Variants in PRKCH observed in about 807,000 individuals in gnomAD.
PRKCH encodes protein kinase C eta.
Under a neutral mutation model 82.5 loss-of-function variants are expected in PRKCH, and 28 were observed. The observed-to-expected ratio is 0.34, with a 90% confidence interval of 0.25 to 0.47. The LOEUF is 0.47. Among genes scored for constraint, PRKCH ranks in the 20% least tolerant of loss-of-function variants. The pLI is 1.00. For missense variants in PRKCH, 705 were observed against 881.8 expected (o/e 0.80, Z 2.54); for synonymous variants, 322 against 327.4 (o/e 0.98, Z 0.18).
intron 1 of PRKCH, among the ~76,000 whole-genome samples, chr14:61,297,823 C>T (rs1424238987): frequency 2.6e-5 from 4 of 152,074 alleles, no homozygotes; most frequent in Non-Finnish European, 2.9e-5. Context: ...GGTTGGGGAC[C>T]CCTGGTCTAG....
chr14:61,291,323 CTTTTTTTTTTTTTT>C (rs533117559), intron 1 of PRKCH, among the ~76,000 whole-genome samples: 1 of 96,686 alleles, frequency 1.0e-5, no homozygotes, highest in Non-Finnish European at 2.0e-5. Context: ...CCCTCTGGTT[CTTTTTTTTTTTTTT>C]TTTTTTTTTT....
intron 10 of PRKCH, among the ~76,000 whole-genome samples, chr14:61,500,868 C>T (rs906149448): frequency 1.3e-5 from 2 of 152,040 alleles, no homozygotes; most frequent in East Asian, 3.9e-4. Context: ...ATAGAGGTAC[C>T]TATGGAACTC....
chr14:61,420,681 A>G (rs1299657600), intron 2 of PRKCH, among the ~76,000 whole-genome samples: 1 of 152,182 alleles, frequency 6.6e-6, no homozygotes, highest in Non-Finnish European at 1.5e-5. Flanking sequence ...TCGCATGACC[A>G]CTACAGTTAG....
chr14:61,281,351 C>T, intron 1 of PRKCH: 1 of 359,074 alleles, frequency 2.8e-6, no homozygotes, highest in Admixed American at 4.8e-5. Flanking sequence ...CCACACCCTC[C>T]CAGTTCCGCC....
At chr14:61,275,145 C>T (rs2045190660) in intron 1 of PRKCH, among the ~76,000 whole-genome samples, 1 of 152,208 alleles carries the variant, frequency 6.6e-6, no homozygotes, top group Admixed American at 6.5e-5. Flanking sequence ...ATCAAGCCTT[C>T]CTTTGAAAAT....
At chr14:61,510,092 G>A (rs1887311995) in intron 10 of PRKCH, among the ~76,000 whole-genome samples, 1 of 152,130 alleles carries the variant, frequency 6.6e-6, no homozygotes, top group African/African-American at 2.4e-5. Context: ...AAAGCGTCCT[G>A]TGCTAAGGAA....
intron 1 of PRKCH, among the ~76,000 whole-genome samples, chr14:61,372,519 A>G (rs1370881524): frequency 1.3e-5 from 2 of 151,964 alleles, no homozygotes; most frequent in Admixed American, 1.3e-4. Context: ...CCATCCATTT[A>G]CTTACATGTA....
chr14:61,241,603 G>A (rs2044837812), intron 1 of PRKCH, among the ~76,000 whole-genome samples: 1 of 151,924 alleles, frequency 6.6e-6, no homozygotes, highest in Non-Finnish European at 1.5e-5. Flanking sequence ...GACCAAATAT[G>A]TATTTTACTG....
chr14:61,501,976 T>C (rs1391131804), intron 10 of PRKCH, among the ~76,000 whole-genome samples: 9 of 151,924 alleles, frequency 5.9e-5, no homozygotes, highest in African/African-American at 9.7e-5. Flanking sequence ...AGAACAGAGA[T>C]TTTTTCCTAA....
intron 1 of PRKCH, among the ~76,000 whole-genome samples, chr14:61,187,870 T>A (rs1398299607): frequency 6.6e-6 from 1 of 152,222 alleles, no homozygotes; most frequent in Non-Finnish European, 1.5e-5. Flanking sequence ...CATCCTTATC[T>A]TTTCAGAGCC....
At chr14:61,271,268 T>C (rs2045151314) in intron 1 of PRKCH, among the ~76,000 whole-genome samples, 1 of 152,196 alleles carries the variant, frequency 6.6e-6, no homozygotes, top group African/African-American at 2.4e-5. Flanking sequence ...TTTTTCATTA[T>C]AGTATGAATT....
chr14:61,410,841 A>G (rs1016153083), intron 2 of PRKCH, among the ~76,000 whole-genome samples: 6 of 152,184 alleles, frequency 3.9e-5, no homozygotes, highest in African/African-American at 9.7e-5. Flanking sequence ...ACCTTCCACT[A>G]TCAACACTGA....
At chr14:61,398,735 G>A (rs2046821435) in intron 2 of PRKCH, among the ~76,000 whole-genome samples, 1 of 152,154 alleles carries the variant, frequency 6.6e-6, no homozygotes, top group South Asian at 2.1e-4. Context: ...TTACACCATG[G>A]GATGTAATCA....
chr14:61,284,446 G>T (rs571388097), intron 1 of PRKCH, among the ~76,000 whole-genome samples: 1 of 152,316 alleles, frequency 6.6e-6, no homozygotes, highest in African/African-American at 2.4e-5. Flanking sequence ...GGCAGGTGCC[G>T]TGAAAGCTGG....
rs547410387 is a variant in PRKCH at position 61,256,240 on chromosome 14, A to T, written c.-19+68572A>T. Among the ~76,000 whole-genome samples, 1,386 of 152,358 alleles carry T rather than the reference A, an allele frequency of 9.1e-3. 12 individuals carry two copies. Among genetic ancestry groups the T allele is most frequent in the Middle Eastern group, 0.024 (7 of 294 alleles). On this transcript the variant is annotated intron_variant, in intron 1 of 3. Coordinates refer to the PRKCH transcript ENST00000555185. ...TAAAAGCTGACCAGGAATGCATTAA[A>T]TTGGCTCCCAAATGAATCATACAAA...
upstream of PRKCH, among the ~76,000 whole-genome samples, chr14:61,319,637 T>G (rs2045591652): frequency 6.6e-6 from 1 of 152,180 alleles, no homozygotes; most frequent in South Asian, 2.1e-4. Context: ...AGCCCCAAAG[T>G]CCAACAGGAG....
chr14:61,358,986 G>A (rs1470874034), intron 1 of PRKCH, among the ~76,000 whole-genome samples: 1 of 152,144 alleles, frequency 6.6e-6, no homozygotes, highest in Non-Finnish European at 1.5e-5. Context: ...ATAGAGTCCT[G>A]TCATTCTCTG....
intron 10 of PRKCH, among the ~76,000 whole-genome samples, chr14:61,511,853 C>T (rs1088683): frequency 0.52 from 79,365 of 152,054 alleles, 25,250 homozygotes; most frequent in Non-Finnish European, 0.69. Flanking sequence ...TCTGTGTCAA[C>T]GGGATCCCGA....
intron 1 of PRKCH, among the ~76,000 whole-genome samples, chr14:61,217,092 G>C (rs1485230098): frequency 6.6e-6 from 1 of 152,170 alleles, no homozygotes; most frequent in East Asian, 1.9e-4. Flanking sequence ...ATTTTTAAAA[G>C]AGAGAGCGAG....
Sources: allele counts gnomAD v4.1 joint callset (sites outside exome capture counted in the v4.1 genomes callset), GRCh38; gene constraint gnomAD v4.1.1; transcripts MANE v1.5; gene names NCBI Gene and HGNC (gene_info 2026-07-23, HGNC 2026-07-21).